The following BCAS3 variants were observed in gnomAD, a reference collection of about 807,000 sequenced individuals.
BCAS3 encodes the protein BCAS4/BCAS3 fusion.
A neutral mutation model predicts 116.1 loss-of-function variants in BCAS3; 53 were observed. The observed-to-expected ratio is 0.46, with a 90% CI of 0.37 to 0.57. The LOEUF is 0.57. Among genes scored for constraint, BCAS3 ranks in the 20% least tolerant of loss-of-function variants. BCAS3 has a pLI of 0.00. For synonymous variants in BCAS3, 391 were observed against 408.2 expected, an observed-to-expected ratio of 0.96 and a Z score of 0.51; for missense variants, 917 against 1,165.4, an observed-to-expected ratio of 0.79 and a Z score of 3.10.
intron 7 of BCAS3, chr17:60,811,511 G>T: frequency 2.5e-6 from 1 of 395,980 alleles, no homozygotes; most frequent in Non-Finnish European, 4.8e-6. Flanking sequence ...CCAATGAAAA[G>T]TTCAGAGGTA....
intron 22 of BCAS3, among the ~76,000 whole-genome samples, chr17:61,225,774 C>T (rs915355754): frequency 1.3e-5 from 2 of 152,024 alleles, no homozygotes; most frequent in African/African-American, 2.4e-5. Context: ...ATTTGATGCA[C>T]GTGTAATCAG....
At chr17:61,163,702 A>G (rs953976889) in intron 22 of BCAS3, among the ~76,000 whole-genome samples, 1 of 151,788 alleles carries the variant, frequency 6.6e-6, no homozygotes, top group South Asian at 2.1e-4. Context: ...TAAAAACTCA[A>G]ATAGCCAGGC....
chr17:60,685,984 C>T (rs1017337523), intron 3 of BCAS3, among the ~76,000 whole-genome samples: 1 of 151,918 alleles, frequency 6.6e-6, no homozygotes. Context: ...ATTCTGCTGC[C>T]TCAGCCTCCC....
intron 5 of BCAS3, among the ~76,000 whole-genome samples, chr17:60,728,197 CT>C (rs1189164125): frequency 6.6e-6 from 1 of 152,214 alleles, no homozygotes; most frequent in East Asian, 1.9e-4. Flanking sequence ...AATACTCTCA[CT>C]GCCCTACACA....
intron 9 of BCAS3, among the ~76,000 whole-genome samples, chr17:60,885,730 C>A (rs1297268268): frequency 2.1e-5 from 3 of 146,338 alleles, no homozygotes; most frequent in Admixed American, 6.7e-5. Context: ...ATATGAAATT[C>A]TGGGTTGAAA....
At chr17:61,185,645 T>C (rs1309544879) in intron 22 of BCAS3, among the ~76,000 whole-genome samples, 2 of 152,152 alleles carry the variant, frequency 1.3e-5, no homozygotes, top group Non-Finnish European at 2.9e-5. Context: ...AAATGAGAGA[T>C]GTGTGCAAGA....
chr17:60,808,419 G>C (rs1271478773), intron 7 of BCAS3, among the ~76,000 whole-genome samples: 1 of 152,188 alleles, frequency 6.6e-6, no homozygotes, highest in Non-Finnish European at 1.5e-5. Flanking sequence ...TGTTAGTAAG[G>C]AAAATTATCA....
In BCAS3 at chr17:61,249,551, T is replaced by C. The variant is rs1201262069; in HGVS notation, c.2426-118776T>C. ...AGAGATGGACTCTAGTGTCCCAACA[T>C]AGAATTGTGTCTCTGGCTGAAGAAA... is the stretch of plus-strand genomic sequence containing the variant. On this transcript the variant is annotated intron_variant, in intron 22 of 23. Coordinates refer to ENST00000407086, the MANE Select transcript of BCAS3 (RefSeq NM_017679.5). This position sits in a 1 kb window ranked among gnomAD's most constrained non-coding sequence, Gnocchi z 6.2. 6.6e-6 allele frequency among the ~76,000 whole-genome samples: 1 copy of C among 152,166 alleles called. No individual in the cohort carries two copies. The highest frequency in any genetic ancestry group is 1.5e-5 in the Non-Finnish European group (1 of 68,042).
At chr17:61,057,504 C>T (rs1383885090) in intron 19 of BCAS3, among the ~76,000 whole-genome samples, 1 of 152,132 alleles carries the variant, frequency 6.6e-6, no homozygotes, top group Non-Finnish European at 1.5e-5. Context: ...GGTTTCTCAT[C>T]TTTATAATTA....
At chr17:61,250,627 C>T (rs1290228755) in intron 22 of BCAS3, among the ~76,000 whole-genome samples, 1 of 152,234 alleles carries the variant, frequency 6.6e-6, no homozygotes, top group Non-Finnish European at 1.5e-5. Flanking sequence ...TTAAGGGGCA[C>T]AGTCTCCCGT....
chr17:60,713,488 G>A (rs1568079532), intron 5 of BCAS3, among the ~76,000 whole-genome samples: 2 of 152,126 alleles, frequency 1.3e-5, no homozygotes, highest in East Asian at 1.9e-4. Flanking sequence ...CTCTATATAC[G>A]TGTGTTGCGC....
chr17:60,705,646 A>C (rs2037027294), intron 4 of BCAS3, among the ~76,000 whole-genome samples: 1 of 152,190 alleles, frequency 6.6e-6, no homozygotes, highest in Non-Finnish European at 1.5e-5. Context: ...AGAGAAGTTA[A>C]GAGAAGACAG....
intron 10 of BCAS3, among the ~76,000 whole-genome samples, chr17:60,900,790 C>T (rs1034255490): frequency 6.6e-6 from 1 of 151,590 alleles, no homozygotes; most frequent in African/African-American, 2.4e-5. Context: ...AAAATTCTGA[C>T]TCATCTTTGA....
chr17:60,914,468 G>GT (rs1318578376), intron 12 of BCAS3, among the ~76,000 whole-genome samples: 1 of 152,166 alleles, frequency 6.6e-6, no homozygotes, highest in Non-Finnish European at 1.5e-5. Context: ...AACATACAGG[G>GT]TGTAGGGTTA....
chr17:61,331,588 T>G (rs780676526), intron 22 of BCAS3, among the ~76,000 whole-genome samples: 20 of 151,902 alleles, frequency 1.3e-4, no homozygotes, highest in Non-Finnish European at 2.6e-4. Flanking sequence ...AGCATAGGAG[T>G]TCAAGACCCC....
At chr17:61,092,781 T>G (rs1382234921) in intron 22 of BCAS3, among the ~76,000 whole-genome samples, 1 of 152,148 alleles carries the variant, frequency 6.6e-6, no homozygotes, top group Non-Finnish European at 1.5e-5. Flanking sequence ...GCAAATATTT[T>G]CTTTCAGTTA....
rs1484181487 is a variant in BCAS3, at chr17:61,136,177, C to T, written c.2425+51613C>T. ...TTTAAATGTTTTCCCGTGCTCTTCC[C>T]TCTACATAAAATCATTTCTTTCCAT... On this transcript the variant is annotated intron_variant, in intron 22 of 23. Transcript: ENST00000407086. This position sits in a 1 kb window ranked among gnomAD's most constrained non-coding sequence, Gnocchi z 4.4. Among the ~76,000 whole-genome samples the T allele has an allele frequency of 6.6e-6, 1 of 152,216 alleles. No homozygotes were observed. Among genetic ancestry groups the T allele is most frequent in the Non-Finnish European group, 1.5e-5 (1 of 68,042 alleles).
chr17:60,872,573 C>G (rs114326633), intron 8 of BCAS3, among the ~76,000 whole-genome samples: 1 of 149,218 alleles, frequency 6.7e-6, no homozygotes, highest in Admixed American at 6.7e-5. Context: ...CCATATATAT[C>G]TGTATGTATA....
chr17:61,115,117 G>T (rs1025638462), intron 22 of BCAS3, among the ~76,000 whole-genome samples: 18 of 150,616 alleles, frequency 1.2e-4, no homozygotes, highest in Non-Finnish European at 2.4e-4. Flanking sequence ...TTAAACGTTA[G>T]ACCTAAAACC....
Sources: gnomAD v4.1 joint callset for allele counts (sites outside exome capture counted in the v4.1 genomes callset) on GRCh38, gnomAD v4.1.1 for gene constraint, Gnocchi (gnomAD v3.1) non-coding constraint, MANE v1.5 for transcripts, NCBI Gene and HGNC (gene_info 2026-07-23, HGNC 2026-07-21) for gene names.